Variants in GAB2 observed in about 807,000 individuals in gnomAD.
The protein encoded by GAB2 is GRB2-associated-binding protein 2.
A neutral mutation model predicts 65.5 loss-of-function variants in GAB2; 26 were observed. The observed-to-expected ratio is 0.40, with a 90% confidence interval of 0.29 to 0.55. The LOEUF is 0.55. GAB2 is among the 20% of genes least tolerant of loss of function. The pLI is 0.53. For synonymous variants in GAB2, 321 were observed against 329.6 expected (o/e 0.97, Z 0.28); for missense variants, 884 against 875.8 (o/e 1.01, Z -0.12).
intron 2 of GAB2, among the ~76,000 whole-genome samples, chr11:78,278,311 C>T (rs570863038): frequency 2.6e-5 from 4 of 152,104 alleles, no homozygotes; most frequent in African/African-American, 9.6e-5. Context: ...CTTAGGTGAT[C>T]CACCTGCCTC....
intron 2 of GAB2, among the ~76,000 whole-genome samples, chr11:78,264,152 A>G (rs1293755445): frequency 6.6e-6 from 1 of 152,122 alleles, no homozygotes; most frequent in Non-Finnish European, 1.5e-5. Context: ...TGTCAATACA[A>G]ACAAGCCTGC....
At chr11:78,384,226 A>C (rs1856736882) in intron 1 of GAB2, among the ~76,000 whole-genome samples, 1 of 152,230 alleles carries the variant, frequency 6.6e-6, no homozygotes, top group Non-Finnish European at 1.5e-5. Context: ...GAGAGAGCTG[A>C]AGGCAGATGC....
chr11:78,244,734 TGA>T (rs1341256722), intron 3 of GAB2, among the ~76,000 whole-genome samples: 1 of 135,594 alleles, frequency 7.4e-6, no homozygotes, highest in Non-Finnish European at 1.5e-5. Flanking sequence ...AAAACCACAA[TGA>T]GATATTATCT....
At chr11:78,235,203 A>G (rs1392410490) in intron 3 of GAB2, among the ~76,000 whole-genome samples, 2 of 151,764 alleles carry the variant, frequency 1.3e-5, no homozygotes, top group Admixed American at 1.3e-4. Flanking sequence ...CCCAGGCTGG[A>G]GTGCAGTGGC....
intron 1 of GAB2, among the ~76,000 whole-genome samples, chr11:78,416,284 T>A (rs1857194392): frequency 6.6e-6 from 1 of 152,206 alleles, no homozygotes. Context: ...CCTTAGATTT[T>A]TTTCCCCCAG....
At chr11:78,263,656 C>A (rs1189363501) in intron 2 of GAB2, among the ~76,000 whole-genome samples, 1 of 139,990 alleles carries the variant, frequency 7.1e-6, no homozygotes, top group Non-Finnish European at 1.5e-5. Flanking sequence ...AAAAAAAAAT[C>A]AACAGTCTAA....
At chr11:78,341,477 G>A (rs1856093789) in intron 1 of GAB2, among the ~76,000 whole-genome samples, 1 of 152,258 alleles carries the variant, frequency 6.6e-6, no homozygotes, top group Non-Finnish European at 1.5e-5. Context: ...TAAGGCTTAG[G>A]TATAGTTTAA....
At chr11:78,308,817 C>T (rs1855426887) in intron 1 of GAB2, among the ~76,000 whole-genome samples, 1 of 152,164 alleles carries the variant, frequency 6.6e-6, no homozygotes, top group African/African-American at 2.4e-5. Context: ...TTCTGGGATG[C>T]TGGCAATTTT....
intron 2 of GAB2, among the ~76,000 whole-genome samples, chr11:78,268,322 G>C (rs60174954): frequency 0.028 from 4,221 of 152,236 alleles, 151 homozygotes; most frequent in African/African-American, 0.088. Flanking sequence ...ACAGATCCTA[G>C]AGAGAGAAGA....
intron 2 of GAB2, among the ~76,000 whole-genome samples, chr11:78,252,369 A>T (rs1049206857): frequency 1.3e-5 from 2 of 152,226 alleles, no homozygotes; most frequent in African/African-American, 4.8e-5. Context: ...TCGATAGCTC[A>T]TTACTCCATT....
intron 1 of GAB2, among the ~76,000 whole-genome samples, chr11:78,388,531 T>C (rs1856796547): frequency 6.6e-6 from 1 of 151,870 alleles, no homozygotes; most frequent in South Asian, 2.1e-4. Context: ...TCTTGCTATG[T>C]TGTCTAGGCT....
chr11:78,397,989 T>C (rs113631182), intron 1 of GAB2, among the ~76,000 whole-genome samples: 2 of 149,066 alleles, frequency 1.3e-5, no homozygotes, highest in African/African-American at 5.2e-5. Context: ...AGTTTGAGGC[T>C]GTAGTGTGCT....
rs569291584 is a variant in GAB2, at chr11:78,348,723, A to G, written c.76-67822T>C. Among the ~76,000 whole-genome samples the G allele has an allele frequency of 3.9e-5, 6 of 152,354 alleles. No homozygotes were observed. In the East Asian group the frequency reaches 1.2e-3, roughly 29 times the overall value. Reference sequence around the variant, plus strand: ...TGACTGAGCCATTCAACTGCTGGGTATACCTGGGAGAAATGAAAATGTATG... The same window carrying G: ...TGACTGAGCCATTCAACTGCTGGGTGTACCTGGGAGAAATGAAAATGTATG... On this transcript the variant is annotated intron_variant, in intron 1 of 9. Coordinates refer to ENST00000361507, the MANE Select transcript of GAB2 (RefSeq NM_080491.3).
chr11:78,226,954 C>G lies in GAB2; in HGVS notation c.718G>C (p.Gly240Arg), dbSNP rs201168302. The change falls in exon 4 of 10, where the codon GGG (glycine) becomes CGG (arginine). Residue 240 changes from glycine to arginine, a missense_variant. Physicochemically the swap from Gly to Arg is moderately radical, Grantham distance 125. Coordinates refer to ENST00000361507, the MANE Select transcript of GAB2 (RefSeq NM_080491.3). ...AAGCCATGGACTTGACCACTGATCC[C>G]GTTGACACAGTGTCCATTGCCCTGG... The part of the protein sequence containing the change: ...LAQGNGHCVN[G>R]ISGQVHGFYS... The G allele has an allele frequency of 7.0e-5, 113 of 1,613,588 alleles. 1 individual carries two copies. In the East Asian group the frequency reaches 2.4e-3, roughly 34 times the overall value.
At chr11:78,224,933 T>C (rs1255312550) in intron 5 of GAB2, among the ~76,000 whole-genome samples, 175 bp downstream of exon 5, 1 of 152,076 alleles carries the variant, frequency 6.6e-6, no homozygotes, top group Non-Finnish European at 1.5e-5. Flanking sequence ...CTAGAATACT[T>C]ATATCTTACT....
At chr11:78,305,063 G>C (rs1336013135) in intron 1 of GAB2, among the ~76,000 whole-genome samples, 2 of 152,198 alleles carry the variant, frequency 1.3e-5, no homozygotes, top group Non-Finnish European at 2.9e-5. Flanking sequence ...GAGCTGAGCT[G>C]AATGCCAACT....
chr11:78,277,933 T>C (rs1017042821), intron 2 of GAB2, among the ~76,000 whole-genome samples: 4 of 152,226 alleles, frequency 2.6e-5, no homozygotes, highest in Middle Eastern at 3.2e-3. Flanking sequence ...CACTCTGCCT[T>C]ATGCCCTTTG....
chr11:78,310,200 G>C (rs1381258303), intron 1 of GAB2, among the ~76,000 whole-genome samples: 1 of 151,900 alleles, frequency 6.6e-6, no homozygotes, highest in African/African-American at 2.4e-5. Context: ...TATTATTTCT[G>C]CAAGTACAAA....
chr11:78,406,070 A>G (rs1857040339), intron 1 of GAB2, among the ~76,000 whole-genome samples: 1 of 152,174 alleles, frequency 6.6e-6, no homozygotes, highest in Non-Finnish European at 1.5e-5. Flanking sequence ...GGTGGTGTCA[A>G]AGAAAGCCAA....
Sources: allele counts gnomAD v4.1 joint callset (sites outside exome capture counted in the v4.1 genomes callset), GRCh38; gene constraint gnomAD v4.1.1; transcripts MANE v1.5; gene names NCBI Gene and HGNC (gene_info 2026-07-23, HGNC 2026-07-21).